ARB2A: variants seen among roughly 807,000 people sequenced by gnomAD.
ARB2A encodes ARB2 cotranscriptional regulator A.
the ARB2A span, among the ~76,000 whole-genome samples, chr5:94,086,975 A>T: frequency 2.6e-5 from 4 of 152,202 alleles, no homozygotes; most frequent in Non-Finnish European, 5.9e-5. Flanking sequence ...AGAAGAAGGC[A>T]TTGTTATCAT....
the ARB2A span, among the ~76,000 whole-genome samples, chr5:93,839,146 T>C: frequency 1.3e-5 from 2 of 152,220 alleles, no homozygotes; most frequent in South Asian, 4.1e-4. Context: ...TTCCAGCTTT[T>C]GCCCATTCAG....
chr5:93,917,433 T>G, the ARB2A span, among the ~76,000 whole-genome samples: 9 of 152,220 alleles, frequency 5.9e-5, no homozygotes, highest in Non-Finnish European at 1.3e-4. Context: ...TGTGTTTTCT[T>G]GTACTCCAGT....
At chr5:93,679,877 G>GTAAGAATC in the ARB2A span, among the ~76,000 whole-genome samples, 1 of 152,112 alleles carries the variant, frequency 6.6e-6, no homozygotes, top group Non-Finnish European at 1.5e-5. Flanking sequence ...AGAGGAGTTA[G>GTAAGAATC]TAAGAATCTA....
the ARB2A span, among the ~76,000 whole-genome samples, chr5:94,050,094 T>C: frequency 7.9e-5 from 12 of 151,814 alleles, no homozygotes; most frequent in Non-Finnish European, 1.8e-4. Flanking sequence ...CACACACCAC[T>C]ATTTCTGGCT....
chr5:93,705,150 A>G, the ARB2A span, among the ~76,000 whole-genome samples: 1 of 152,172 alleles, frequency 6.6e-6, no homozygotes, highest in Non-Finnish European at 1.5e-5. Flanking sequence ...GACCATTCAA[A>G]TGCCAGGACT....
At chr5:94,081,570 T>C in the ARB2A span, among the ~76,000 whole-genome samples, 1 of 152,136 alleles carries the variant, frequency 6.6e-6, no homozygotes, top group African/African-American at 2.4e-5. Context: ...CTAATTACAA[T>C]TACAAAATGA....
the ARB2A span, among the ~76,000 whole-genome samples, chr5:93,706,265 G>T: frequency 6.6e-6 from 1 of 152,140 alleles, no homozygotes; most frequent in Non-Finnish European, 1.5e-5. Context: ...GTCTTGAGAA[G>T]CTTATGCTAA....
the ARB2A span, among the ~76,000 whole-genome samples, chr5:93,621,763 C>T: frequency 6.6e-6 from 1 of 152,166 alleles, no homozygotes; most frequent in African/African-American, 2.4e-5. Flanking sequence ...TCATACGGGA[C>T]GCTTAATGAA....
At chr5:93,759,834 A>C in the ARB2A span, among the ~76,000 whole-genome samples, 6 of 152,182 alleles carry the variant, frequency 3.9e-5, no homozygotes. Context: ...AGAGAACTGG[A>C]ACAAGACAAG....
the ARB2A span, chr5:93,741,751 T>C: frequency 1.6e-6 from 1 of 620,264 alleles, no homozygotes; most frequent in African/African-American, 1.8e-5. Flanking sequence ...GTTAAGGGAG[T>C]GAGCCCCCTA....
At chr5:94,043,078 A>C in the ARB2A span, among the ~76,000 whole-genome samples, 1 of 152,090 alleles carries the variant, frequency 6.6e-6, no homozygotes, top group Non-Finnish European at 1.5e-5. Flanking sequence ...GTTTATAATC[A>C]ACTATAGAAC....
chr5:93,887,496 C>A, the ARB2A span, among the ~76,000 whole-genome samples: 1 of 151,616 alleles, frequency 6.6e-6, no homozygotes, highest in African/African-American at 2.4e-5. Flanking sequence ...CATCTGTATA[C>A]CTTCTCCAGT....
chr5:93,982,834 C>A, the ARB2A span, among the ~76,000 whole-genome samples: 2 of 152,178 alleles, frequency 1.3e-5, no homozygotes, highest in Non-Finnish European at 2.9e-5. Flanking sequence ...GTGGGCGGAT[C>A]ACCTGAGTTC....
the ARB2A span, among the ~76,000 whole-genome samples, chr5:93,868,507 A>G: frequency 6.6e-6 from 1 of 152,206 alleles, no homozygotes; most frequent in Non-Finnish European, 1.5e-5. Flanking sequence ...AGAAGAGTGA[A>G]GAGCAATATG....
At chr5:94,041,604 G>C in the ARB2A span, among the ~76,000 whole-genome samples, 1 of 152,120 alleles carries the variant, frequency 6.6e-6, no homozygotes, top group South Asian at 2.1e-4. Context: ...TGTGACTTAA[G>C]TCATCTTTGG....
At chr5:93,907,484 AT>A in the ARB2A span, among the ~76,000 whole-genome samples, 1 of 151,140 alleles carries the variant, frequency 6.6e-6, no homozygotes, top group African/African-American at 2.4e-5. Context: ...AAAATACTGT[AT>A]TTTTTTTCTG....
the ARB2A span, among the ~76,000 whole-genome samples, chr5:93,669,149 C>T: frequency 2.0e-5 from 3 of 152,186 alleles, no homozygotes; most frequent in African/African-American, 7.2e-5. Flanking sequence ...GTTCTTACCA[C>T]TGCTGTATTC....
chr5:93,746,001 A>C, the ARB2A span, among the ~76,000 whole-genome samples: 1 of 152,200 alleles, frequency 6.6e-6, no homozygotes, highest in Non-Finnish European at 1.5e-5. Flanking sequence ...AATCCAGGAA[A>C]ACTCTGGCAG....
the ARB2A span, among the ~76,000 whole-genome samples, chr5:93,839,722 G>A: frequency 6.6e-6 from 1 of 151,438 alleles, no homozygotes; most frequent in Non-Finnish European, 1.5e-5. Context: ...TGGTCTGTTC[G>A]AGGATTCAAT....
Sources: allele counts gnomAD v4.1 joint callset (sites outside exome capture counted in the v4.1 genomes callset), GRCh38; gene constraint gnomAD v4.1.1; transcripts MANE v1.5; gene names NCBI Gene and HGNC (gene_info 2026-07-23, HGNC 2026-07-21).